Variants in SUN1 observed in about 807,000 individuals in gnomAD.
SUN1 encodes the protein Sad1 and UNC84 domain containing 1, also known as SUN domain-containing protein 1.
A neutral mutation model predicts 103.2 loss-of-function variants in SUN1; 61 were observed. That is an observed-to-expected ratio of 0.59 (90% CI 0.48 to 0.73). SUN1 has a LOEUF of 0.73. SUN1 is among the 30% of genes least tolerant of loss of function. The pLI is 0.00. For missense variants in SUN1, 1,052 were observed against 1,034.6 expected (o/e 1.02, Z -0.23); for synonymous variants, 490 against 425.7 (o/e 1.15, Z -1.86).
At chr7:831,597 C>A (rs1303332520), upstream of SUN1, among the ~76,000 whole-genome samples, 1 of 152,208 alleles carries the variant, frequency 6.6e-6, no homozygotes, top group Admixed American at 6.5e-5. Context: ...GCAGGAGTTT[C>A]ATCATGCTTG....
chr7:869,024 C>T (rs1359753004), intron 16 of SUN1: 2 of 367,616 alleles, frequency 5.4e-6, no homozygotes, highest in Admixed American at 8.1e-5. Flanking sequence ...GGTGTCCCTT[C>T]TTGCTGTGCA....
chr7:845,156 T>C (rs1459070783), intron 5 of SUN1, among the ~76,000 whole-genome samples: 1 of 152,134 alleles, frequency 6.6e-6, no homozygotes, highest in Non-Finnish European at 1.5e-5. Flanking sequence ...TTGTAGTAAA[T>C]GTGTGTCTCT....
chr7:830,881 C>A, upstream of SUN1: 1 of 909,712 alleles, frequency 1.1e-6, no homozygotes, highest in Non-Finnish European at 1.3e-6. Flanking sequence ...GCAGGCAGAG[C>A]CCATTGTTGC....
intron 5 of SUN1, chr7:848,358 T>TC (rs1462329847): frequency 1.4e-5 from 18 of 1,300,862 alleles, no homozygotes; most frequent in Non-Finnish European, 1.6e-5. Flanking sequence ...ACCTGACTTA[T>TC]CAGGAAGTAG....
intron 11 of SUN1, among the ~76,000 whole-genome samples, chr7:856,052 C>A (rs535045340): frequency 6.6e-6 from 1 of 152,202 alleles, no homozygotes; most frequent in African/African-American, 2.4e-5. Flanking sequence ...CTGTCCTTCA[C>A]GTTTAGAACA....
chr7:852,512 G>A (rs957516274), intron 7 of SUN1, 97 bp from the exon 8 acceptor site: 7 of 1,394,066 alleles, frequency 5.0e-6, no homozygotes, highest in Admixed American at 1.7e-5. Context: ...ATACTGGGGG[G>A]GTGGATTTTG....
upstream of SUN1, chr7:830,839 C>A: frequency 1.6e-6 from 1 of 631,166 alleles, no homozygotes; most frequent in Non-Finnish European, 2.0e-6. Flanking sequence ...TGGGCGTTCG[C>A]TGAGCCCAGC....
rs377582591 is a variant in SUN1, at chr7:851,422, G to C, written c.697G>C (p.Val233Leu). ...LLQILRRIGA[V>L]GQAVSRTAWS... is the part of the protein sequence containing the mutation. ...GCAGATTCTGCGCAGGATCGGAGCT[G>C]TGGGCCAGGCTGTGTCCAGGACGGC... is the stretch of plus-strand genomic sequence containing the variant. Residue 233 changes from valine to leucine, a missense_variant, in exon 6 of 19, where the codon GTG becomes CTG. Around this residue, in one of 2 missense-constraint regions of SUN1, gnomAD observed 846 missense variants for 774.5 expected, o/e 1.09. Transcript: ENST00000401592. 118 of 1,610,258 alleles carry C rather than the reference G, an allele frequency of 7.3e-5. 1 individual carries two copies. The South Asian group carries it at 1.3e-3, about 18-fold the overall frequency.
chr7:869,188 T>G, intron 16 of SUN1, 161 bp from the exon 17 acceptor site: 3 of 867,946 alleles, frequency 3.5e-6, no homozygotes, highest in Non-Finnish European at 5.3e-6. Flanking sequence ...GAGGAGTGAA[T>G]TACAAATGCC....
chr7:835,465 A>G (rs573770394), intron 1 of SUN1, among the ~76,000 whole-genome samples: 17 of 152,382 alleles, frequency 1.1e-4, no homozygotes, highest in African/African-American at 3.8e-4. Flanking sequence ...CCAATATCCC[A>G]GATCCTTGAA....
Position 855,010 on chromosome 7 carries a change from T to A in SUN1, c.1350+4T>A. The A allele has an allele frequency of 6.2e-7, 1 of 1,607,594 alleles. No individual in the cohort carries two copies. The highest frequency in any genetic ancestry group is 8.5e-7 in the Non-Finnish European group (1 of 1,175,050). Reference sequence around the variant, plus strand: ...AAAACTGAGAGAAAAATCTGAGGTATTTATTTTTGACCTTACGCTTTTTTA... The same window carrying A: ...AAAACTGAGAGAAAAATCTGAGGTAATTATTTTTGACCTTACGCTTTTTTA... On this transcript the variant is annotated splice_donor_region_variant and intron_variant, in intron 11 of 18. Transcript: ENST00000401592.
intron 17 of SUN1, among the ~76,000 whole-genome samples, chr7:871,569 T>C (rs1180251601): frequency 6.6e-6 from 1 of 152,188 alleles, no homozygotes; most frequent in Non-Finnish European, 1.5e-5. Flanking sequence ...TTGTAGTTTT[T>C]AGTAGAGACA....
At chr7:866,391 G>T (rs965981168) in intron 16 of SUN1, among the ~76,000 whole-genome samples, 4 of 152,114 alleles carry the variant, frequency 2.6e-5, no homozygotes, top group Admixed American at 6.5e-5. Context: ...TCGGGCCGTG[G>T]GTCTTCCGTC....
chr7:852,505 C>T, intron 7 of SUN1, 104 bp from the exon 8 acceptor site: 2 of 1,338,978 alleles, frequency 1.5e-6, no homozygotes, highest in African/African-American at 1.4e-5. Flanking sequence ...TTTTCTAATA[C>T]TGGGGGGGTG....
Position 853,577 on chromosome 7 carries a change from T to C in SUN1, c.1222T>C (p.Ser408Pro). ...DQMEGGAAGP[S>P]ASVRDAVGQP... is the part of the protein sequence containing the mutation. ...GATGGAAGGCGGCGCTGCCGGGCCG[T>C]CAGCTTCGGTCAGAGACGCTGTGGG... is the stretch of plus-strand genomic sequence containing the variant. Residue 408 changes from serine (S) to proline (P), a missense_variant, in exon 10 of 19, where the codon TCA becomes CCA. By Grantham distance (74) the Ser-to-Pro change is moderately conservative. Around this residue, in one of 2 missense-constraint regions of SUN1, gnomAD observed 846 missense variants for 774.5 expected, o/e 1.09. Coordinates refer to ENST00000401592, the MANE Select transcript of SUN1 (RefSeq NM_001130965.3). The C allele has an allele frequency of 1.2e-6, 2 of 1,608,072 alleles. No homozygotes were observed.
intron 16 of SUN1, chr7:869,126 T>C: frequency 3.5e-6 from 2 of 569,442 alleles, no homozygotes; most frequent in South Asian, 4.3e-5. Context: ...TCTTTAAGGT[T>C]CTGGTCGTTT....
At position 849,762 on chromosome 7, in the gene SUN1, A is replaced by G. The variant is rs536203208; in HGVS notation, c.659-1622A>G. The G allele has an allele frequency of 3.7e-6, 4 of 1,084,312 alleles. No individual in the cohort carries two copies. In the South Asian group the frequency reaches 5.4e-5, roughly 15 times the overall value. 67.2% of individuals were successfully genotyped at this position (1,084,312 alleles called of 1,614,324 possible). A position where few individuals can be genotyped will look rare whatever the true frequency, so the allele number is the denominator to read the frequency against. ...GAGCTGCTGCTTAAGCCCTCATCAC[A>G]GAAGCTCATAGCCACCAGATCGCAT... is the stretch of plus-strand genomic sequence containing the variant. On this transcript the variant is annotated intron_variant, in intron 5 of 18. Transcript: ENST00000401592.
At chr7:847,283 T>TGCGCCAGCGGAGTTGGCGGC (rs1425336407) in intron 5 of SUN1, among the ~76,000 whole-genome samples, 1 of 149,958 alleles carries the variant, frequency 6.7e-6, no homozygotes, top group African/African-American at 2.5e-5. Context: ...CGCAGCGCCG[T>TGCGCCAGCGGAGTTGGCGGC]CTCCGGGATC....
chr7:829,558 T>TA (rs1448845379), upstream of SUN1, among the ~76,000 whole-genome samples: 2 of 148,696 alleles, frequency 1.3e-5, no homozygotes, highest in African/African-American at 2.4e-5. Context: ...GTTTTTTTTT[T>TA]TGTTTTTTTT....
Sources: gnomAD v4.1 joint callset for allele counts (sites outside exome capture counted in the v4.1 genomes callset) on GRCh38, gnomAD v4.1.1 for gene constraint, gnomAD v4.1.1 regional missense constraint, MANE v1.5 for transcripts, NCBI Gene and HGNC (gene_info 2026-07-23, HGNC 2026-07-21) for gene names.